The following SLC2A7 variants were observed in gnomAD, a reference collection of about 807,000 sequenced individuals.
SLC2A7 encodes the protein solute carrier family 2, facilitated glucose transporter member 7.
A neutral mutation model predicts 50.5 loss-of-function variants in SLC2A7; 50 were observed. The ratio of observed to expected loss-of-function variants is 0.99; its 90% CI spans 0.79 to 1.25. SLC2A7 has a LOEUF of 1.25. Ranked by LOEUF, SLC2A7 falls within the 50% of genes most tolerant of loss-of-function variation. The pLI, the probability that SLC2A7 is intolerant of heterozygous loss-of-function variation, is 0.00. For synonymous variants in SLC2A7, 308 were observed against 300.4 expected (o/e 1.03, Z -0.26); for missense variants, 683 against 679.1 (o/e 1.01, Z -0.06).
intron 9 of SLC2A7, among the ~76,000 whole-genome samples, chr1:9,009,430 G>A (rs1175591498): frequency 1.3e-5 from 2 of 152,106 alleles, no homozygotes; most frequent in African/African-American, 4.8e-5. Context: ...CTGTGTTTTA[G>A]TCTTACTGAA....
chr1:9,015,387 C>A, intron 5 of SLC2A7, 145 bp from the exon 6 acceptor site: 1 of 1,096,162 alleles, frequency 9.1e-7, no homozygotes, highest in Non-Finnish European at 1.2e-6. Context: ...AAATGGTTTC[C>A]ACATTCAAAA....
chr1:9,010,204 A>T lies in SLC2A7; in HGVS notation c.1055T>A (p.Leu352Gln), dbSNP rs1408065266. The change falls in exon 9 of 12, where the codon CTG becomes CAG. Residue 352 changes from leucine to glutamine, a missense_variant. Coordinates refer to ENST00000400906, the MANE Select transcript of SLC2A7 (RefSeq NM_207420.3). ...AGAGCCGCAGATGCCGTAGCCGGCC[A>T]GCAGGAGGTGCCGCCGTCCCAGCCG... ...VERLGRRHLLLAGYGICGSAC... is the reference protein window; with the variant it reads ...VERLGRRHLLQAGYGICGSAC... 8.4e-6 allele frequency: 13 copies of T among 1,551,282 alleles called. No homozygotes were observed. The highest frequency in any genetic ancestry group is 1.4e-5 in the African/African-American group (1 of 73,062).
chr1:9,011,044 G>T (rs940116527), intron 8 of SLC2A7, among the ~76,000 whole-genome samples: 1 of 152,168 alleles, frequency 6.6e-6, no homozygotes, highest in South Asian at 2.1e-4. Flanking sequence ...AACACCCTGG[G>T]GGCCAGGGGC....
At chr1:9,019,627 G>A (rs1042521529) in intron 3 of SLC2A7, among the ~76,000 whole-genome samples, 17 of 152,050 alleles carry the variant, frequency 1.1e-4, no homozygotes, top group Admixed American at 7.2e-4. Context: ...TTTCTGCCCC[G>A]TGAAGACACA....
Position 9,015,120 on chromosome 1 carries a change from G to C in SLC2A7, c.712C>G (p.Gln238Glu). 1 of 1,613,266 alleles carries C rather than the reference G, an allele frequency of 6.2e-7. No individual in the cohort carries two copies. The highest frequency in any genetic ancestry group is 8.5e-7 in the Non-Finnish European group (1 of 1,179,776). ...IQKGDEATAR[Q>E]ALRRLRGHTD... ...AGAGTAGCCGGCGACTTCATACCTT[G>C]TCGCGCTGTGGCTTCATCTCCTTTC... is the stretch of plus-strand genomic sequence containing the variant. The change falls in exon 6 of 12, where the codon CAA (glutamine) becomes GAA (glutamate). Residue 238 changes from glutamine to glutamate, a missense_variant. Transcript: ENST00000400906.
chr1:9,007,245 G>C, intron 10 of SLC2A7, 65 bp downstream of exon 10: 1 of 1,565,056 alleles, frequency 6.4e-7, no homozygotes. Flanking sequence ...GTCGAGCACT[G>C]ACTGTGTGTC....
intron 2 of SLC2A7, among the ~76,000 whole-genome samples, chr1:9,023,934 C>T (rs1640956986): frequency 7.2e-6 from 1 of 138,028 alleles, no homozygotes; most frequent in Non-Finnish European, 1.5e-5. Context: ...TGGCTCACTG[C>T]AACCTCTGAT....
At position 9,008,518 on chromosome 1, in the gene SLC2A7, G is replaced by A. The variant is rs182177761; in HGVS notation, c.1117-1133C>T. 5.2e-4 allele frequency among the ~76,000 whole-genome samples: 79 copies of A among 152,256 alleles called. No individual in the cohort carries two copies. The highest frequency in any genetic ancestry group is 1.8e-3 in the African/African-American group (73 of 41,552). Reference sequence around the variant, plus strand: ...CCTAGGTTTCAGAAGTGTCACTGGCGGTGGTCTCTGCAGGTGGCGCTCAGT... The same window carrying A: ...CCTAGGTTTCAGAAGTGTCACTGGCAGTGGTCTCTGCAGGTGGCGCTCAGT... On this transcript the variant is annotated intron_variant, in intron 9 of 11. Transcript: ENST00000400906. The surrounding 1 kb of genome is among the most constrained non-coding windows in gnomAD (Gnocchi z 5.9).
At chr1:9,009,795 C>G (rs1247028623) in intron 9 of SLC2A7, among the ~76,000 whole-genome samples, 1 of 152,248 alleles carries the variant, frequency 6.6e-6, no homozygotes, top group African/African-American at 2.4e-5. Context: ...TCTGGTCTTT[C>G]CTTAACCCAC....
intron 5 of SLC2A7, among the ~76,000 whole-genome samples, chr1:9,015,662 A>T (rs970497139): frequency 6.6e-6 from 1 of 151,934 alleles, no homozygotes; most frequent in Non-Finnish European, 1.5e-5. Flanking sequence ...AGATTCCACT[A>T]AGAGAACAGG....
rs201609038 is a variant in SLC2A7 at position 9,020,673 on chromosome 1, C to CTTTTTTTTTTTTTTTTTTT, written c.312-1341_312-1340insAAAAAAAAAAAAAAAAAAA. Among the ~76,000 whole-genome samples the CTTTTTTTTTTTTTTTTTTT allele has an allele frequency of 1.4e-5, 2 of 138,346 alleles. 1 individual carries two copies. Among genetic ancestry groups the CTTTTTTTTTTTTTTTTTTT allele is most frequent in the Non-Finnish European group, 3.1e-5 (2 of 65,072 alleles). The allele number at this position is 138,346 out of a possible 152,430, so 90.8% of individuals were successfully genotyped here. On this transcript the variant is annotated intron_variant, in intron 3 of 11. Coordinates refer to ENST00000400906, the MANE Select transcript of SLC2A7 (RefSeq NM_207420.3). ...GCTGGCTGGTGCATCCTGATATTCT[C>CTTTTTTTTTTTTTTTTTTT]TCTTTTTTTTTTTTTTGAGATGGAG...
intron 6 of SLC2A7, 41 bp downstream of exon 6, chr1:9,015,076 G>A (rs555498718): frequency 1.1e-5 from 17 of 1,608,526 alleles, no homozygotes; most frequent in Admixed American, 3.4e-5. Context: ...CCTGGCCCCC[G>A]GGGTGGGCAG....
chr1:9,007,211 C>T (rs1037287716), intron 10 of SLC2A7, 99 bp downstream of exon 10: 34 of 1,347,184 alleles, frequency 2.5e-5, no homozygotes, highest in Middle Eastern at 1.8e-4. Context: ...GGACCAAGGA[C>T]GTCCATTCAC....
chr1:9,024,959 G>C lies in SLC2A7; in HGVS notation c.150+17C>G. On this transcript the variant is annotated intron_variant, in intron 2 of 11. Coordinates refer to ENST00000400906, the MANE Select transcript of SLC2A7 (RefSeq NM_207420.3). ...TCAGCTGCTGCCCGGCCCACCTTGTGCCCACCTTGTGCCCACCTTGTGCGG... is the reference window on the plus strand; with the variant it reads ...TCAGCTGCTGCCCGGCCCACCTTGTCCCCACCTTGTGCCCACCTTGTGCGG... The C allele has an allele frequency of 6.2e-7, 1 of 1,613,206 alleles. No individual in the cohort carries two copies. Among genetic ancestry groups the C allele is most frequent in the South Asian group, 1.1e-5 (1 of 91,076 alleles).
chr1:9,003,614 T>C, intron 11 of SLC2A7, 96 bp from the exon 12 acceptor site: 1 of 1,104,332 alleles, frequency 9.1e-7, no homozygotes, highest in East Asian at 2.5e-5. Flanking sequence ...TCCCAGCACT[T>C]TGGGAGGCCA....
intron 8 of SLC2A7, among the ~76,000 whole-genome samples, chr1:9,012,109 G>A (rs531018522): frequency 4.6e-5 from 7 of 152,134 alleles, no homozygotes; most frequent in South Asian, 4.2e-4. Flanking sequence ...GACCAGAGCC[G>A]GCCCTGTACA....
chr1:8,996,857 C>A, the SLC2A7 span, among the ~76,000 whole-genome samples: 1 of 152,000 alleles, frequency 6.6e-6, no homozygotes, highest in South Asian at 2.1e-4. Flanking sequence ...CTCACTGCAA[C>A]CTCTGCCTCC....
At chr1:8,999,837 C>G (rs948791697), downstream of SLC2A7, among the ~76,000 whole-genome samples, 1 of 152,184 alleles carries the variant, frequency 6.6e-6, no homozygotes, top group Non-Finnish European at 1.5e-5. Context: ...GGGACTCAGT[C>G]GTTGGTGCAG....
At chr1:9,000,832 G>A (rs1257397709), downstream of SLC2A7, among the ~76,000 whole-genome samples, 1 of 151,456 alleles carries the variant, frequency 6.6e-6, no homozygotes, top group African/African-American at 2.4e-5. Context: ...AGTGCCCCAG[G>A]TGTGAGGAGC....
Sources: gnomAD v4.1 joint callset for allele counts (sites outside exome capture counted in the v4.1 genomes callset) on GRCh38, gnomAD v4.1.1 for gene constraint, Gnocchi (gnomAD v3.1) non-coding constraint, MANE v1.5 for transcripts, NCBI Gene and HGNC (gene_info 2026-07-23, HGNC 2026-07-21) for gene names.